MOCOS: variants seen among roughly 807,000 people sequenced by gnomAD.
MOCOS encodes molybdenum cofactor sulfurase.
In MOCOS, 86 loss-of-function variants were observed where a neutral mutation model predicts 83.6. That is an observed-to-expected ratio of 1.03 (90% CI 0.86 to 1.23). MOCOS has a LOEUF of 1.23. Ranked by LOEUF, MOCOS falls within the 50% of genes most tolerant of loss-of-function variation. The pLI is 0.00. For synonymous variants in MOCOS, 445 were observed against 434.7 expected (o/e 1.02, Z -0.29); for missense variants, 1,120 against 1,126.9 (o/e 0.99, Z 0.09).
intron 13 of MOCOS, among the ~76,000 whole-genome samples, chr18:36,260,911 A>G (rs567058): frequency 0.84 from 126,310 of 151,244 alleles, 53,112 homozygotes; most frequent in Admixed American, 0.88. Flanking sequence ...CCTTCTGCTT[A>G]GCATGTTGTC....
chr18:36,230,360 C>T (rs775374874), intron 9 of MOCOS, among the ~76,000 whole-genome samples: 5 of 152,108 alleles, frequency 3.3e-5, no homozygotes, highest in Non-Finnish European at 5.9e-5. Flanking sequence ...GCTGGGATTA[C>T]AGACATGAGC....
At chr18:36,243,903 T>G (rs1297226912) in intron 9 of MOCOS, among the ~76,000 whole-genome samples, 1 of 152,172 alleles carries the variant, frequency 6.6e-6, no homozygotes, top group Non-Finnish European at 1.5e-5. Context: ...TTTGTGTGCA[T>G]AAAGGTGTTC....
intron 9 of MOCOS, among the ~76,000 whole-genome samples, chr18:36,224,687 TGAG>T (rs932426675): frequency 2.0e-5 from 3 of 152,324 alleles, no homozygotes; most frequent in Middle Eastern, 3.4e-3. Context: ...TAAGTTTTGT[TGAG>T]GATGTTTGTG....
At chr18:36,260,422 C>G (rs1396332262) in intron 13 of MOCOS, among the ~76,000 whole-genome samples, 1 of 152,214 alleles carries the variant, frequency 6.6e-6, no homozygotes, top group Non-Finnish European at 1.5e-5. Context: ...GAGGGCTCGA[C>G]ACTGCCTCTG....
In MOCOS at chr18:36,270,161, T is replaced by G. The variant is rs975559862; in HGVS notation, c.*1476T>G. Reference sequence around the variant, plus strand: ...AAGTTAGGTGGGGTGGGGTGGGGTTTATTGTTTTGAACTGTTTATTAAAAA... The same window carrying G: ...AAGTTAGGTGGGGTGGGGTGGGGTTGATTGTTTTGAACTGTTTATTAAAAA... On this transcript the variant is annotated 3_prime_UTR_variant, in exon 15 of 15. Transcript: ENST00000261326. The G allele has an allele frequency of 3.9e-5, 6 of 152,192 alleles. No homozygotes were observed. The highest frequency in any genetic ancestry group is 1.4e-4 in the African/African-American group (6 of 41,442). The allele number at this position is 152,192 out of a possible 1,614,324, so 9.4% of individuals were successfully genotyped here.
At position 36,203,095 on chromosome 18, in the gene MOCOS, C is replaced by T. The variant is rs778955832; in HGVS notation, c.942-18C>T. 1.9e-6 allele frequency: 3 copies of T among 1,612,414 alleles called. No individual in the cohort carries two copies. The highest frequency in any genetic ancestry group is 1.1e-5 in the South Asian group (1 of 91,040). ...TTTGACCACAGCTTGACCTGTTCTC[C>T]TTACCCCGTGGTTATAGGTTTGAAG... On this transcript the variant is annotated intron_variant, in intron 4 of 14. Transcript: ENST00000261326.
chr18:36,213,226 A>G (rs1211686828), intron 6 of MOCOS, 140 bp from the exon 7 acceptor site: 1 of 738,992 alleles, frequency 1.4e-6, no homozygotes, highest in Non-Finnish European at 2.4e-6. Flanking sequence ...TTAACCTGTG[A>G]TAAATCATTT....
At chr18:36,205,465 G>T (rs2091431425) in intron 6 of MOCOS, among the ~76,000 whole-genome samples, 189 bp downstream of exon 6, 1 of 152,148 alleles carries the variant, frequency 6.6e-6, no homozygotes, top group African/African-American at 2.4e-5. Flanking sequence ...CTTTCAAATG[G>T]GAAGAAAGAG....
At chr18:36,265,875 T>C (rs1294512937) in intron 13 of MOCOS, among the ~76,000 whole-genome samples, 1 of 152,214 alleles carries the variant, frequency 6.6e-6, no homozygotes, top group Non-Finnish European at 1.5e-5. Flanking sequence ...GTGCATGATA[T>C]AATTTTAATG....
chr18:36,234,685 G>T (rs1420850875), intron 9 of MOCOS, among the ~76,000 whole-genome samples: 1 of 151,992 alleles, frequency 6.6e-6, no homozygotes, highest in Non-Finnish European at 1.5e-5. Context: ...TTGTATTGTT[G>T]TGTTAGCCTG....
chr18:36,235,744 A>C (rs373168115), intron 9 of MOCOS, among the ~76,000 whole-genome samples: 40 of 150,572 alleles, frequency 2.7e-4, no homozygotes, highest in Middle Eastern at 3.4e-3. Flanking sequence ...TACAGTCCCA[A>C]CAACAGTGTA....
At chr18:36,198,455 ATT>A (rs2091398842) in intron 2 of MOCOS, among the ~76,000 whole-genome samples, 1 of 152,232 alleles carries the variant, frequency 6.6e-6, no homozygotes, top group Admixed American at 6.5e-5. Context: ...ATTGATGGAC[ATT>A]TATATTGTTT....
intron 9 of MOCOS, among the ~76,000 whole-genome samples, chr18:36,220,624 G>C (rs1366161637): frequency 6.6e-6 from 1 of 152,194 alleles, no homozygotes; most frequent in African/African-American, 2.4e-5. Flanking sequence ...AGATCTGACA[G>C]TTCAATCAGA....
chr18:36,260,324 C>G, intron 13 of MOCOS, 149 bp downstream of exon 13: 1 of 989,140 alleles, frequency 1.0e-6, no homozygotes, highest in Middle Eastern at 2.4e-4. Flanking sequence ...GTAAGCTTAG[C>G]CTTCTAAGAC....
chr18:36,237,617 G>C (rs1960689571), intron 9 of MOCOS, among the ~76,000 whole-genome samples: 1 of 151,920 alleles, frequency 6.6e-6, no homozygotes, highest in African/African-American at 2.4e-5. Context: ...TCTCTGCCTG[G>C]CTTTGGTATC....
At position 36,193,549 on chromosome 18, in the gene MOCOS, A is replaced by T. The variant is rs77529744; in HGVS notation, c.143-1708A>T. On this transcript the variant is annotated intron_variant, in intron 1 of 14. Coordinates refer to ENST00000261326, the MANE Select transcript of MOCOS (RefSeq NM_017947.4). ...TGGATATCAACATGCAAAAGAACGA[A>T]CTTGGACCCCTACCTCATTCTGCAT... is the stretch of plus-strand genomic sequence containing the variant. 2.1e-3 allele frequency among the ~76,000 whole-genome samples: 316 copies of T among 152,250 alleles called. 1 individual carries two copies. The highest frequency in any genetic ancestry group is 7.3e-3 in the African/African-American group (304 of 41,538).
intron 9 of MOCOS, among the ~76,000 whole-genome samples, chr18:36,240,684 C>A (rs916173996): frequency 3.3e-5 from 5 of 152,320 alleles, no homozygotes; most frequent in Admixed American, 2.0e-4. Context: ...TTCCCAGCTG[C>A]TTTGTTTACC....
intron 9 of MOCOS, among the ~76,000 whole-genome samples, chr18:36,238,357 G>T (rs1443052470): frequency 6.6e-6 from 1 of 151,002 alleles, no homozygotes; most frequent in Non-Finnish European, 1.5e-5. Flanking sequence ...TGGTTTCAAA[G>T]AACATCTTTA....
chr18:36,260,288 A>G (rs2091659108), intron 13 of MOCOS, 113 bp downstream of exon 13: 3 of 1,397,594 alleles, frequency 2.1e-6, no homozygotes, highest in South Asian at 1.2e-5. Flanking sequence ...TTGTCTCTTA[A>G]CTACAAAATC....
Sources: allele counts gnomAD v4.1 joint callset (sites outside exome capture counted in the v4.1 genomes callset), GRCh38; gene constraint gnomAD v4.1.1; transcripts MANE v1.5; gene names NCBI Gene and HGNC (gene_info 2026-07-23, HGNC 2026-07-21).